NCOA2: variants seen among roughly 807,000 people sequenced by gnomAD.
The protein encoded by NCOA2 is class E basic helix-loop-helix protein 75.
A neutral mutation model predicts 145.1 loss-of-function variants in NCOA2; 21 were observed. The observed-to-expected ratio is 0.14, with a 90% CI of 0.10 to 0.21. NCOA2 has a LOEUF of 0.21. Ranked by LOEUF, NCOA2 falls within the 10% of genes least tolerant of loss-of-function variation. NCOA2 has a pLI of 1.00. For synonymous variants in NCOA2, 619 were observed against 637.5 expected, an observed-to-expected ratio of 0.97 and a Z score of 0.44; for missense variants, 1,472 against 1,837.6, an observed-to-expected ratio of 0.80 and a Z score of 3.64.
At chr8:70,405,231 A>G (rs1374980706), upstream of NCOA2, among the ~76,000 whole-genome samples, 1 of 152,018 alleles carries the variant, frequency 6.6e-6, no homozygotes, top group Non-Finnish European at 1.5e-5. Context: ...CGCCAATTTT[A>G]TTTGGGAAAA....
At chr8:70,159,255 T>TTTC (rs1209017347) in intron 10 of NCOA2, among the ~76,000 whole-genome samples, 53 of 137,572 alleles carry the variant, frequency 3.9e-4, no homozygotes, top group Middle Eastern at 3.8e-3. Context: ...TTTTTTTTTT[T>TTTC]CCCCCAAATA....
chr8:70,404,112 C>T (rs1457744445), upstream of NCOA2, among the ~76,000 whole-genome samples: 1 of 152,174 alleles, frequency 6.6e-6, no homozygotes, highest in Admixed American at 6.5e-5. Context: ...GCATCTCCGT[C>T]GGCAGAGTCC....
the NCOA2 span, among the ~76,000 whole-genome samples, chr8:70,438,480 C>CAT: frequency 1.1e-4 from 17 of 152,156 alleles, no homozygotes; most frequent in Admixed American, 9.8e-4. Flanking sequence ...CAAAGCTAGA[C>CAT]ATATGTACAG....
At chr8:70,318,188 T>C (rs912773137) in intron 1 of NCOA2, among the ~76,000 whole-genome samples, 3 of 152,344 alleles carry the variant, frequency 2.0e-5, no homozygotes, top group East Asian at 3.9e-4. Flanking sequence ...TCAGCCCTAT[T>C]TGTTAATGTG....
At chr8:70,442,864 T>C in the NCOA2 span, among the ~76,000 whole-genome samples, 1,157 of 152,304 alleles carry the variant, frequency 7.6e-3, 15 homozygotes, top group African/African-American at 0.026. Flanking sequence ...ATACCTCTTC[T>C]GATCAGAGAT....
upstream of NCOA2, among the ~76,000 whole-genome samples, chr8:70,407,434 C>T (rs940697979): frequency 2.0e-5 from 3 of 152,088 alleles, no homozygotes; most frequent in East Asian, 1.9e-4. Flanking sequence ...GAACTGCCTT[C>T]GCTGCATATC....
At chr8:70,159,719 A>C (rs925358035) in intron 9 of NCOA2, 67 bp from the exon 10 acceptor site, 4 of 1,416,442 alleles carry the variant, frequency 2.8e-6, no homozygotes, top group African/African-American at 1.4e-5. Context: ...GGAGGACAAG[A>C]CATAATAAGA....
intron 2 of NCOA2, among the ~76,000 whole-genome samples, chr8:70,268,003 TAGCTAG>T (rs1406191610): frequency 2.0e-4 from 30 of 152,244 alleles, no homozygotes; most frequent in Non-Finnish European, 4.1e-4. Context: ...ATTGATCAAC[TAGCTAG>T]CCTACCTGGT....
chr8:70,394,730 T>A (rs184411235), intron 1 of NCOA2, among the ~76,000 whole-genome samples: 6 of 152,326 alleles, frequency 3.9e-5, no homozygotes, highest in Non-Finnish European at 8.8e-5. Context: ...ACCATTTTCA[T>A]GACATCTAAC....
At chr8:70,130,218 T>G (rs1585757458) in intron 16 of NCOA2, among the ~76,000 whole-genome samples, 1 of 152,338 alleles carries the variant, frequency 6.6e-6, no homozygotes, top group South Asian at 2.1e-4. Context: ...TTAACATGAA[T>G]ACGAATAATT....
chr8:70,450,573 C>CTTTTTTTTTTTTTTTTTTTTTTTTTT, the NCOA2 span, among the ~76,000 whole-genome samples: 1 of 94,630 alleles, frequency 1.1e-5, no homozygotes, highest in Non-Finnish European at 1.9e-5. Context: ...TCTTTTTATT[C>CTTTTTTTTTTTTTTTTTTTTTTTTTT]TTTTTTTTTT....
At chr8:70,406,686 A>G (rs935916121), upstream of NCOA2, among the ~76,000 whole-genome samples, 1 of 152,238 alleles carries the variant, frequency 6.6e-6, no homozygotes, top group African/African-American at 2.4e-5. Flanking sequence ...ATTTAACAAT[A>G]TAACCTAGGA....
intron 4 of NCOA2, among the ~76,000 whole-genome samples, chr8:70,193,468 A>G (rs1284887323): frequency 6.6e-6 from 1 of 152,220 alleles, no homozygotes; most frequent in Non-Finnish European, 1.5e-5. Flanking sequence ...ATACTTCCAT[A>G]TTATCTAAGA....
At chr8:70,247,955 C>T (rs546236617) in intron 2 of NCOA2, among the ~76,000 whole-genome samples, 1 of 152,210 alleles carries the variant, frequency 6.6e-6, no homozygotes, top group African/African-American at 2.4e-5. Context: ...TGCTGGCATA[C>T]ACGAATTGGT....
chr8:70,157,696 C>G (rs1469145396), intron 10 of NCOA2, among the ~76,000 whole-genome samples: 1 of 152,114 alleles, frequency 6.6e-6, no homozygotes, highest in Non-Finnish European at 1.5e-5. Context: ...CTACTTGGCT[C>G]AAGATAAACA....
At chr8:70,195,401 C>T in intron 4 of NCOA2, among the ~76,000 whole-genome samples, 1 of 152,150 alleles carries the variant, frequency 6.6e-6, no homozygotes, top group Middle Eastern at 3.2e-3. Flanking sequence ...AGATAATAAT[C>T]TGAAATGCTT....
intron 2 of NCOA2, among the ~76,000 whole-genome samples, chr8:70,260,979 T>A (rs1186503280): frequency 6.6e-6 from 1 of 152,126 alleles, no homozygotes; most frequent in Non-Finnish European, 1.5e-5. Flanking sequence ...TGTGGAGAAA[T>A]AGGAACACTT....
At chr8:70,368,118 C>T (rs1224897030) in intron 1 of NCOA2, among the ~76,000 whole-genome samples, 1 of 152,198 alleles carries the variant, frequency 6.6e-6, no homozygotes, top group Non-Finnish European at 1.5e-5. Flanking sequence ...AGCTTTTATA[C>T]TCAAAGCTGC....
chr8:70,430,605 T>C, the NCOA2 span, among the ~76,000 whole-genome samples: 3 of 152,190 alleles, frequency 2.0e-5, no homozygotes, highest in Non-Finnish European at 1.5e-5. Context: ...CACTGCCTCA[T>C]TGGCTGTCAT....
Sources: gnomAD v4.1 joint callset for allele counts (sites outside exome capture counted in the v4.1 genomes callset) on GRCh38, gnomAD v4.1.1 for gene constraint, MANE v1.5 for transcripts, NCBI Gene and HGNC (gene_info 2026-07-23, HGNC 2026-07-21) for gene names.